IPO11: variants seen among roughly 807,000 people sequenced by gnomAD.
The protein encoded by IPO11 is importin-11.
IPO11 carries 66 observed loss-of-function variants against 143.2 expected under a neutral mutation model. That is an observed-to-expected ratio of 0.46 (90% confidence interval 0.38 to 0.57). IPO11 has a LOEUF of 0.57. Among genes scored for constraint, IPO11 ranks in the 20% least tolerant of loss-of-function variants. The pLI, the probability that IPO11 is intolerant of heterozygous loss-of-function variation, is 0.00. For missense variants in IPO11, 1,026 were observed against 1,141.0 expected, an observed-to-expected ratio of 0.90 and a Z score of 1.45; for synonymous variants, 385 against 377.8, an observed-to-expected ratio of 1.02 and a Z score of -0.22.
intron 29 of IPO11, among the ~76,000 whole-genome samples, chr5:62,615,481 G>T (rs1256028460): frequency 6.6e-6 from 1 of 152,206 alleles, no homozygotes; most frequent in African/African-American, 2.4e-5. Context: ...GGCTTATAGA[G>T]GGCCTTGTAT....
chr5:62,482,056 G>T (rs1187769610), intron 9 of IPO11, among the ~76,000 whole-genome samples: 1 of 152,136 alleles, frequency 6.6e-6, no homozygotes, highest in African/African-American at 2.4e-5. Flanking sequence ...ATTTCTTGTA[G>T]ATTTTCTAGT....
intron 29 of IPO11, among the ~76,000 whole-genome samples, chr5:62,606,363 C>A (rs987737458): frequency 6.6e-5 from 10 of 151,074 alleles, no homozygotes; most frequent in Admixed American, 5.9e-4. Flanking sequence ...ATCTGTAGTC[C>A]CAGCTACTTG....
chr5:62,553,356 G>T (rs1013060040), intron 26 of IPO11, among the ~76,000 whole-genome samples: 1 of 146,158 alleles, frequency 6.8e-6, no homozygotes, highest in African/African-American at 2.6e-5. Flanking sequence ...GTGTGTGTGT[G>T]TGTGTGTGAT....
At chr5:62,571,830 C>T (rs1027963130) in intron 27 of IPO11, among the ~76,000 whole-genome samples, 21 of 152,164 alleles carry the variant, frequency 1.4e-4, no homozygotes, top group African/African-American at 3.4e-4. Flanking sequence ...GGATCACAGG[C>T]GCACACCACC....
intron 12 of IPO11, among the ~76,000 whole-genome samples, chr5:62,487,170 C>T (rs1246275433): frequency 6.6e-6 from 1 of 152,024 alleles, no homozygotes; most frequent in African/African-American, 2.4e-5. Flanking sequence ...TTAAATGTAG[C>T]TAATGCTAAT....
chr5:62,604,399 C>G (rs1016929790), intron 29 of IPO11, among the ~76,000 whole-genome samples: 1 of 151,972 alleles, frequency 6.6e-6, no homozygotes, highest in African/African-American at 2.4e-5. Flanking sequence ...TTAGTGGGCA[C>G]GGGGTTTTGC....
At chr5:62,490,376 T>C (rs975244889) in intron 15 of IPO11, among the ~76,000 whole-genome samples, 156 bp downstream of exon 15, 3 of 152,212 alleles carry the variant, frequency 2.0e-5, no homozygotes, top group Non-Finnish European at 2.9e-5. Context: ...TTTTGACATC[T>C]AGGAAGTATT....
At chr5:62,516,753 T>C (rs1398256736) in intron 20 of IPO11, among the ~76,000 whole-genome samples, 1 of 152,226 alleles carries the variant, frequency 6.6e-6, no homozygotes, top group African/African-American at 2.4e-5. Context: ...TAACCAATTT[T>C]AAGTGTACAG....
At chr5:62,605,892 C>T (rs771270127) in intron 29 of IPO11, among the ~76,000 whole-genome samples, 7 of 151,996 alleles carry the variant, frequency 4.6e-5, no homozygotes, top group South Asian at 2.1e-4. Context: ...CATGCCACTA[C>T]GCTAATTTTT....
At chr5:62,499,103 G>A (rs1741253949) in intron 16 of IPO11, among the ~76,000 whole-genome samples, 1 of 152,200 alleles carries the variant, frequency 6.6e-6, no homozygotes, top group Non-Finnish European at 1.5e-5. Context: ...AACCAGCATA[G>A]ACATATAGTC....
chr5:62,501,701 T>A (rs1741353152), intron 16 of IPO11, among the ~76,000 whole-genome samples: 1 of 152,194 alleles, frequency 6.6e-6, no homozygotes, highest in Non-Finnish European at 1.5e-5. Flanking sequence ...GTCATTTATG[T>A]TAGTATTTCT....
chr5:62,613,926 C>A (rs1050480671), intron 29 of IPO11, among the ~76,000 whole-genome samples: 3 of 152,154 alleles, frequency 2.0e-5, no homozygotes, highest in African/African-American at 7.2e-5. Context: ...CTGAGTCACC[C>A]CAAGCCTTCA....
chr5:62,582,200 A>G (rs1436013575), intron 27 of IPO11, among the ~76,000 whole-genome samples: 1 of 152,186 alleles, frequency 6.6e-6, no homozygotes, highest in Non-Finnish European at 1.5e-5. Flanking sequence ...GAACAATAAA[A>G]CCGGAGCCAG....
intron 27 of IPO11, among the ~76,000 whole-genome samples, chr5:62,561,536 C>A (rs1250476405): frequency 6.6e-6 from 1 of 151,904 alleles, no homozygotes; most frequent in Non-Finnish European, 1.5e-5. Flanking sequence ...TTTATAATTA[C>A]GTTTTATTAG....
At chr5:62,455,964 A>G (rs1348691953) in intron 5 of IPO11, among the ~76,000 whole-genome samples, 1 of 152,116 alleles carries the variant, frequency 6.6e-6, no homozygotes, top group African/African-American at 2.4e-5. Context: ...GCCTCAAGCG[A>G]TCCACCTGTC....
intron 27 of IPO11, among the ~76,000 whole-genome samples, chr5:62,577,731 T>C (rs975683260): frequency 1.3e-5 from 2 of 151,898 alleles, no homozygotes; most frequent in South Asian, 2.1e-4. Context: ...TTTTTAGTCA[T>C]AGAAAGATAA....
rs770466390 is a variant in IPO11, at chr5:62,561,187, A to G, written c.2512A>G (p.Asn838Asp). The G allele has an allele frequency of 1.6e-5, 26 of 1,611,238 alleles. No individual in the cohort carries two copies. Among genetic ancestry groups the G allele is most frequent in the Non-Finnish European group, 2.2e-5 (26 of 1,178,632 alleles). Residue 838 changes from asparagine to aspartate, a missense_variant, in exon 27 of 30, where the codon AAC (asparagine) becomes GAC (aspartate). Asn to Asp is a conservative substitution (Grantham distance 23, BLOSUM62 1). Transcript: ENST00000325324. ...MIEMWVDRMD[N>D]ITQPERRKLS... is the part of the protein sequence containing the mutation. ...TGAAATGTGGGTTGATCGAATGGACAACATTACCCAGCCTGAAAGAAGAAA... is the reference window on the plus strand; with the variant it reads ...TGAAATGTGGGTTGATCGAATGGACGACATTACCCAGCCTGAAAGAAGAAA...
At chr5:62,457,173 G>A (rs1463603568) in intron 5 of IPO11, among the ~76,000 whole-genome samples, 3 of 152,136 alleles carry the variant, frequency 2.0e-5, no homozygotes, top group African/African-American at 7.2e-5. Flanking sequence ...AATTTTAAAA[G>A]CTGAAAGGTT....
At chr5:62,598,449 T>TCC in intron 28 of IPO11, among the ~76,000 whole-genome samples, 1 of 2,592 alleles carries the variant, frequency 3.9e-4, no homozygotes, top group South Asian at 0.019. Flanking sequence ...TCTCTCTCTC[T>TCC]CTCTCTCTCT....
Sources: gnomAD v4.1 joint callset for allele counts (sites outside exome capture counted in the v4.1 genomes callset) on GRCh38, gnomAD v4.1.1 for gene constraint, MANE v1.5 for transcripts, NCBI Gene and HGNC (gene_info 2026-07-23, HGNC 2026-07-21) for gene names.